Variants in VAV1 observed in about 807,000 individuals in gnomAD.
The protein encoded by VAV1 is vav guanine nucleotide exchange factor 1.
VAV1 carries 33 observed loss-of-function variants against 128.1 expected under a neutral mutation model. The ratio of observed to expected loss-of-function variants is 0.26; its 90% CI spans 0.20 to 0.34. The LOEUF (loss-of-function observed/expected upper bound fraction) is 0.34. VAV1 is among the 10% of genes least tolerant of loss of function. The pLI, the probability that VAV1 is intolerant of heterozygous loss-of-function variation, is 1.00. For synonymous variants in VAV1, 394 were observed against 409.8 expected (o/e 0.96, Z 0.47); for missense variants, 715 against 1,093.7 (o/e 0.65, Z 4.88).
At chr19:6,831,302 T>C (rs1226676628) in intron 14 of VAV1, among the ~76,000 whole-genome samples, 1 of 152,124 alleles carries the variant, frequency 6.6e-6, no homozygotes, top group Non-Finnish European at 1.5e-5. Context: ...CCCTGTGCTC[T>C]GGTCTGTGGC....
intron 1 of VAV1, among the ~76,000 whole-genome samples, chr19:6,812,647 T>A (rs1469536132): frequency 6.6e-6 from 1 of 152,082 alleles, no homozygotes; most frequent in Non-Finnish European, 1.5e-5. Flanking sequence ...GGAGACTCTA[T>A]CTCAAAACAA....
rs57771330 is a variant in VAV1 at position 6,777,234 on chromosome 19, TATCCATCCATCCATCC to T, written c.204+4261_204+4276del. ...TCATCCATCCATTTATCTGTTTAAC[TATCCATCCATCCATCC>T]ATCCATCCATCCATCCATCCATCCA... On this transcript the variant is annotated intron_variant, in intron 1 of 26. Transcript: ENST00000602142. The surrounding 1 kb of genome is among the most constrained non-coding windows in gnomAD (Gnocchi z 4.4). Among the ~76,000 whole-genome samples, 12,989 of 145,510 alleles carry T rather than the reference TATCCATCCATCCATCC, an allele frequency of 0.089. 688 individuals carry two copies. The highest frequency in any genetic ancestry group is 0.12 in the Non-Finnish European group (7,854 of 66,494).
At chr19:6,833,046 A>G in intron 15 of VAV1, 138 bp from the exon 16 acceptor site, 1 of 736,514 alleles carries the variant, frequency 1.4e-6, no homozygotes, top group Non-Finnish European at 2.2e-6. Context: ...CCAAAGGGTG[A>G]AAACGACCCA....
chr19:6,836,556 G>T lies in VAV1; in HGVS notation c.1902G>T (p.Gln634His), dbSNP rs1401587091. Reference sequence around the variant, plus strand: ...AGCTCACGAAGGCTGAGGCTGAACAGAACTGGTGGGAGGTACAGGCTGGGG... The same window carrying T: ...AGCTCACGAAGGCTGAGGCTGAACATAACTGGTGGGAGGTACAGGCTGGGG... ...IVELTKAEAEQNWWEGRNTST... is the reference protein window; with the variant it reads ...IVELTKAEAEHNWWEGRNTST... The change falls in exon 20 of 27, where the codon CAG becomes CAT. Residue 634 changes from glutamine to histidine, a missense_variant. Around this residue, in one of 3 missense-constraint regions of VAV1, gnomAD observed 407 missense variants for 580.6 expected, o/e 0.70. Coordinates refer to ENST00000602142, the MANE Select transcript of VAV1 (RefSeq NM_005428.4). 7 of 1,613,960 alleles carry T rather than the reference G, an allele frequency of 4.3e-6. No homozygotes were observed. The highest frequency in any genetic ancestry group is 2.2e-5 in the East Asian group (1 of 44,880).
chr19:6,832,572 TTCCTCCTCCTCGCCC>T (rs1422504899), intron 15 of VAV1, among the ~76,000 whole-genome samples: 1 of 126,714 alleles, frequency 7.9e-6, no homozygotes. Flanking sequence ...CTTCCTCCCC[TTCCTCCTCCTCGCCC>T]TCCTCTTCCT....
At chr19:6,823,851 G>A (rs771666124) in intron 6 of VAV1, among the ~76,000 whole-genome samples, 1 of 151,942 alleles carries the variant, frequency 6.6e-6, no homozygotes, top group Non-Finnish European at 1.5e-5. Context: ...ATGGTTTTTG[G>A]CACACACAAG....
At chr19:6,821,237 TA>T (rs1555702371) in intron 2 of VAV1, among the ~76,000 whole-genome samples, 3 of 151,828 alleles carry the variant, frequency 2.0e-5, no homozygotes, top group Non-Finnish European at 4.4e-5. Flanking sequence ...CCGTCTCTAC[TA>T]AAAATACAAA....
chr19:6,785,911 G>C (rs1172155944), intron 1 of VAV1, among the ~76,000 whole-genome samples: 2 of 151,510 alleles, frequency 1.3e-5, no homozygotes, highest in African/African-American at 4.9e-5. Flanking sequence ...CGCCCGTCTC[G>C]GCCTCCCAAA....
intron 1 of VAV1, among the ~76,000 whole-genome samples, chr19:6,810,832 C>A (rs1971497878): frequency 6.6e-6 from 1 of 152,028 alleles, no homozygotes. Flanking sequence ...GGAGGGAGAG[C>A]AAGTTTGAAC....
At chr19:6,804,725 C>CTT (rs796763550) in intron 1 of VAV1, among the ~76,000 whole-genome samples, 68 of 129,152 alleles carry the variant, frequency 5.3e-4, no homozygotes, top group African/African-American at 1.7e-3. Flanking sequence ...CCCATACCTC[C>CTT]TTTTTTTTTT....
At position 6,822,385 on chromosome 19, in the gene VAV1, GC is replaced by G. The variant is rs752775188; in HGVS notation, c.559-28del. 9 of 1,553,408 alleles carry G rather than the reference GC, an allele frequency of 5.8e-6. No individual in the cohort carries two copies. The highest frequency in any genetic ancestry group is 7.8e-6 in the Non-Finnish European group (9 of 1,149,674). Reference sequence around the variant, plus strand: ...GGGCGTGGGCGGGGGGCAGCCCCAGGCCCCCCAACACCGGCCTCTCCCCTCG... The same window carrying G: ...GGGCGTGGGCGGGGGGCAGCCCCAGGCCCCCAACACCGGCCTCTCCCCTCG... On this transcript the variant is annotated intron_variant, in intron 5 of 26. Transcript: ENST00000602142. This position sits in a 1 kb window ranked among gnomAD's most constrained non-coding sequence, Gnocchi z 5.9.
At chr19:6,816,115 G>A (rs1018617040) in intron 1 of VAV1, among the ~76,000 whole-genome samples, 3 of 151,322 alleles carry the variant, frequency 2.0e-5, no homozygotes, top group African/African-American at 7.3e-5. Flanking sequence ...CGCCTCCTGG[G>A]TTCACGCCAT....
intron 1 of VAV1, 30 bp downstream of exon 1, chr19:6,773,041 G>A (rs755613485): frequency 1.4e-5 from 22 of 1,613,556 alleles, no homozygotes; most frequent in Admixed American, 1.7e-5. Flanking sequence ...GTGTGCTGAG[G>A]GTTGGAGACG....
At chr19:6,821,445 A>G (rs1176246697) in intron 2 of VAV1, among the ~76,000 whole-genome samples, 177 bp from the exon 3 acceptor site, 1 of 152,144 alleles carries the variant, frequency 6.6e-6, no homozygotes, top group Non-Finnish European at 1.5e-5. Flanking sequence ...ATAGGAGCAA[A>G]GGGTGGGGCT....
chr19:6,791,862 C>G (rs1031117560), intron 1 of VAV1, among the ~76,000 whole-genome samples: 1 of 152,022 alleles, frequency 6.6e-6, no homozygotes, highest in African/African-American at 2.4e-5. Context: ...GCAGAGAGGG[C>G]AAAGACTGTG....
At position 6,779,053 on chromosome 19, in the gene VAV1, T is replaced by C. The variant is rs118039385; in HGVS notation, c.204+6042T>C. On this transcript the variant is annotated intron_variant, in intron 1 of 26. Coordinates refer to ENST00000602142, the MANE Select transcript of VAV1 (RefSeq NM_005428.4). ...CGGCATACCTGGGTGATTTTTTTGTTTGTCTGTCTGTTTTCTGAGACAGGG... is the reference window on the plus strand; with the variant it reads ...CGGCATACCTGGGTGATTTTTTTGTCTGTCTGTCTGTTTTCTGAGACAGGG... Among the ~76,000 whole-genome samples the C allele has an allele frequency of 3.4e-3, 449 of 133,938 alleles. 18 individuals carry two copies. Among genetic ancestry groups the C allele is most frequent in the Non-Finnish European group, 5.7e-3 (340 of 59,794 alleles). 87.9% of individuals were successfully genotyped at this position (133,938 alleles called of 152,430 possible). A position where few individuals can be genotyped will look rare whatever the true frequency, so the allele number is the denominator to read the frequency against.
At chr19:6,775,671 G>A (rs181857782) in intron 1 of VAV1, among the ~76,000 whole-genome samples, 6 of 152,250 alleles carry the variant, frequency 3.9e-5, no homozygotes, top group Admixed American at 2.0e-4. Flanking sequence ...TTTGAAGCCC[G>A]GCCGTGTGTC....
chr19:6,844,464 G>C (rs532194096), intron 22 of VAV1, among the ~76,000 whole-genome samples: 1 of 152,096 alleles, frequency 6.6e-6, no homozygotes, highest in South Asian at 2.1e-4. Flanking sequence ...TGATCCACTC[G>C]CCTCAGCCTC....
At chr19:6,812,962 T>C (rs114895017) in intron 1 of VAV1, among the ~76,000 whole-genome samples, 58 of 152,332 alleles carry the variant, frequency 3.8e-4, no homozygotes, top group African/African-American at 1.3e-3. Flanking sequence ...ATGCATCATA[T>C]AACTGAATTA....
Sources: gnomAD v4.1 joint callset for allele counts (sites outside exome capture counted in the v4.1 genomes callset) on GRCh38, gnomAD v4.1.1 for gene constraint, gnomAD v4.1.1 regional missense constraint, Gnocchi (gnomAD v3.1) non-coding constraint, MANE v1.5 for transcripts, NCBI Gene and HGNC (gene_info 2026-07-23, HGNC 2026-07-21) for gene names.